Variants in KLHL20 observed in about 807,000 individuals in gnomAD.
The protein encoded by KLHL20 is kelch like family member 20, also known as kelch-like protein 20.
Under a neutral mutation model 69.5 loss-of-function variants are expected in KLHL20, and 29 were observed. The observed-to-expected ratio is 0.42, with a 90% CI of 0.31 to 0.57. KLHL20 has a LOEUF of 0.57. KLHL20 is among the 20% of genes least tolerant of loss of function. The pLI is 0.18. For synonymous variants in KLHL20, 253 were observed against 265.2 expected (o/e 0.95, Z 0.45); for missense variants, 419 against 776.0 (o/e 0.54, Z 5.47).
At chr1:173,760,349 A>G (rs1673746615) in intron 7 of KLHL20, among the ~76,000 whole-genome samples, 1 of 152,158 alleles carries the variant, frequency 6.6e-6, no homozygotes, top group Non-Finnish European at 1.5e-5. Flanking sequence ...CTAAACATCC[A>G]AATACAGGAA....
At chr1:173,730,858 A>G (rs1004864940) in intron 2 of KLHL20, among the ~76,000 whole-genome samples, 2 of 152,216 alleles carry the variant, frequency 1.3e-5, no homozygotes, top group Non-Finnish European at 1.5e-5. Flanking sequence ...GCAAAAGCCA[A>G]AATTGACAAA....
In KLHL20 at chr1:173,756,017, T is replaced by C. The variant is rs747025208; in HGVS notation, c.946T>C (p.Cys316Arg). 1.9e-6 allele frequency: 3 copies of C among 1,613,482 alleles called. No homozygotes were observed. The highest frequency in any genetic ancestry group is 1.1e-5 in the South Asian group (1 of 91,038). ...PRTRPRKPIR[C>R]GEVLFAVGGW... Reference sequence around the variant, plus strand: ...GACGAGACCACGGAAACCTATCCGATGTGGGGAAGTACTCTTTGCAGGTTT... The same window carrying C: ...GACGAGACCACGGAAACCTATCCGACGTGGGGAAGTACTCTTTGCAGGTTT... The change falls in exon 6 of 12, where the codon TGT (cysteine) becomes CGT (arginine). Residue 316 changes from cysteine to arginine, a missense_variant. By Grantham distance (180) the Cys-to-Arg change is radical. Coordinates refer to ENST00000209884, the MANE Select transcript of KLHL20 (RefSeq NM_014458.4).
chr1:173,734,750 A>G (rs1259790876), intron 3 of KLHL20, among the ~76,000 whole-genome samples: 3 of 152,152 alleles, frequency 2.0e-5, no homozygotes, highest in African/African-American at 7.2e-5. Context: ...TCTTTCCCTT[A>G]TTTATTTAAC....
Position 173,766,308 on chromosome 1 carries a change from C to T in KLHL20, c.1295+19C>T. The T allele has an allele frequency of 6.4e-7, 1 of 1,562,808 alleles. No individual in the cohort carries two copies. The highest frequency in any genetic ancestry group is 8.6e-7 in the Non-Finnish European group (1 of 1,160,786). ...TTGAGAGGTGATCTTTTTTTTAAGT[C>T]ATTTTCCGTATTTTTATTTTAAAGA... On this transcript the variant is annotated intron_variant, in intron 8 of 11. Coordinates refer to ENST00000209884, the MANE Select transcript of KLHL20 (RefSeq NM_014458.4).
intron 2 of KLHL20, among the ~76,000 whole-genome samples, chr1:173,724,803 G>T (rs573118925): frequency 2.0e-5 from 3 of 152,002 alleles, no homozygotes; most frequent in Non-Finnish European, 1.5e-5. Flanking sequence ...AGACCCTGTC[G>T]CAAAGAAAAG....
At chr1:173,771,031 T>C (rs141622773) in intron 8 of KLHL20, among the ~76,000 whole-genome samples, 5 of 152,304 alleles carry the variant, frequency 3.3e-5, no homozygotes, top group Non-Finnish European at 5.9e-5. Flanking sequence ...GATTATCATC[T>C]GGCTTTTTAA....
Position 173,751,894 on chromosome 1 carries a change from T to A in KLHL20, c.728T>A (p.Ile243Asn). Residue 243 changes from isoleucine (I) to asparagine (N), a missense_variant, in exon 4 of 12, where the codon ATT becomes AAT. Around this residue, in one of 6 missense-constraint regions of KLHL20, gnomAD observed 99 missense variants for 240.7 expected, o/e 0.41. Transcript: ENST00000209884. Reference protein sequence around the residue: ...NAVMAWVKYSIQERRPQLPQV... With the variant: ...NAVMAWVKYSNQERRPQLPQV... ...GTGATGGCCTGGGTCAAATACAGTA[T>A]TCAGGAAAGACGTCCTCAATTACCC... 1 of 1,614,098 alleles carries A rather than the reference T, an allele frequency of 6.2e-7. No individual in the cohort carries two copies. The highest frequency in any genetic ancestry group is 8.5e-7 in the Non-Finnish European group (1 of 1,180,000).
intron 2 of KLHL20, among the ~76,000 whole-genome samples, chr1:173,730,476 A>G (rs2102466715): frequency 6.6e-6 from 1 of 152,196 alleles, no homozygotes; most frequent in East Asian, 1.9e-4. Flanking sequence ...ACTATACTAC[A>G]AGGCTACAGT....
At chr1:173,762,426 C>T (rs1470567718) in intron 7 of KLHL20, among the ~76,000 whole-genome samples, 1 of 152,064 alleles carries the variant, frequency 6.6e-6, no homozygotes, top group Non-Finnish European at 1.5e-5. Context: ...AAGGACATAA[C>T]TAAAAAAGAA....
At chr1:173,725,925 G>C (rs528253138) in intron 2 of KLHL20, among the ~76,000 whole-genome samples, 6 of 152,338 alleles carry the variant, frequency 3.9e-5, no homozygotes, top group Admixed American at 1.3e-4. Flanking sequence ...AGCACACCGA[G>C]CGTGAGCCAA....
At position 173,727,841 on chromosome 1, in the gene KLHL20, A is replaced by G. The variant is rs555042939; in HGVS notation, c.24-5872A>G. On this transcript the variant is annotated intron_variant, in intron 2 of 11. Transcript: ENST00000209884. Reference sequence around the variant, plus strand: ...TCAAGGCTAGGAAGAAACTGCATCAACTAACGAGCAAAATAACCAGCTAAC... The same window carrying G: ...TCAAGGCTAGGAAGAAACTGCATCAGCTAACGAGCAAAATAACCAGCTAAC... Among the ~76,000 whole-genome samples, 840 of 152,306 alleles carry G rather than the reference A, an allele frequency of 5.5e-3. 4 individuals are homozygous for G. The highest frequency in any genetic ancestry group is 0.01 in the South Asian group (50 of 4,832).
intron 8 of KLHL20, among the ~76,000 whole-genome samples, chr1:173,771,383 G>C (rs1415444328): frequency 6.6e-6 from 1 of 152,108 alleles, no homozygotes; most frequent in Non-Finnish European, 1.5e-5. Context: ...TAGCCTGAGT[G>C]ACAGAGCAAG....
At chr1:173,781,919 T>C (rs1171116696) in intron 10 of KLHL20, 9 of 456,462 alleles carry the variant, frequency 2.0e-5, no homozygotes, top group Non-Finnish European at 3.2e-5. Flanking sequence ...TTGGATTCTG[T>C]GTGAATATTC....
At chr1:173,780,895 G>GT (rs1648826892) in intron 10 of KLHL20, among the ~76,000 whole-genome samples, 1 of 151,316 alleles carries the variant, frequency 6.6e-6, no homozygotes, top group Admixed American at 6.6e-5. Context: ...ATGCCCAGCT[G>GT]TTTTTTTGTA....
chr1:173,761,260 T>C (rs1419221133), intron 7 of KLHL20, among the ~76,000 whole-genome samples: 1 of 151,946 alleles, frequency 6.6e-6, no homozygotes, highest in Non-Finnish European at 1.5e-5. Flanking sequence ...ACCCAAGAAA[T>C]GAGATAGACA....
chr1:173,720,373 C>G (rs1413529718), intron 2 of KLHL20, among the ~76,000 whole-genome samples: 2 of 150,844 alleles, frequency 1.3e-5, no homozygotes, highest in Non-Finnish European at 2.9e-5. Flanking sequence ...CCAGAATTGT[C>G]TGACATGCAT....
intron 5 of KLHL20, among the ~76,000 whole-genome samples, chr1:173,755,083 G>T: frequency 7.2e-6 from 1 of 138,382 alleles, no homozygotes; most frequent in African/African-American, 2.8e-5. Flanking sequence ...TTTTTGAGAC[G>T]GAGTCTCGCT....
At chr1:173,747,642 T>C (rs977078327) in intron 3 of KLHL20, among the ~76,000 whole-genome samples, 1 of 152,028 alleles carries the variant, frequency 6.6e-6, no homozygotes, top group Admixed American at 6.5e-5. Context: ...CATTTGCATT[T>C]ATTGCTCTGA....
chr1:173,778,789 A>C (rs1376567324), intron 10 of KLHL20, among the ~76,000 whole-genome samples: 1 of 152,120 alleles, frequency 6.6e-6, no homozygotes, highest in African/African-American at 2.4e-5. Flanking sequence ...TATCCTTTGA[A>C]TGTCTACGGT....
Sources: allele counts gnomAD v4.1 joint callset (sites outside exome capture counted in the v4.1 genomes callset), GRCh38; gene constraint gnomAD v4.1.1; regional missense constraint gnomAD v4.1.1; transcripts MANE v1.5; gene names NCBI Gene and HGNC (gene_info 2026-07-23, HGNC 2026-07-21).